The following ARHGAP18 variants were observed in gnomAD, a reference collection of about 807,000 sequenced individuals.
The protein encoded by ARHGAP18 is Rho GTPase activating protein 18, also known as rho GTPase-activating protein 18.
A neutral mutation model predicts 86.2 loss-of-function variants in ARHGAP18; 67 were observed. That is an observed-to-expected ratio of 0.78 (90% CI 0.64 to 0.95). ARHGAP18 has a LOEUF of 0.95. Ranked by LOEUF, ARHGAP18 falls within the 40% of genes least tolerant of loss-of-function variation. The pLI is 0.00. For synonymous variants in ARHGAP18, 283 were observed against 280.4 expected (o/e 1.01, Z -0.09); for missense variants, 691 against 780.4 (o/e 0.89, Z 1.37).
chr6:129,581,106 C>A (rs1215589340), intron 13 of ARHGAP18, among the ~76,000 whole-genome samples: 1 of 152,164 alleles, frequency 6.6e-6, no homozygotes, highest in Non-Finnish European at 1.5e-5. Flanking sequence ...TGAAGCATGG[C>A]AAGGTTAGTG....
At chr6:129,668,516 C>T (rs1774085217) in intron 1 of ARHGAP18, among the ~76,000 whole-genome samples, 1 of 152,136 alleles carries the variant, frequency 6.6e-6, no homozygotes, top group South Asian at 2.1e-4. Context: ...TCCATCTGGT[C>T]CCGATTCTTC....
chr6:129,665,075 A>C (rs1161978264), intron 1 of ARHGAP18, among the ~76,000 whole-genome samples: 1 of 152,186 alleles, frequency 6.6e-6, no homozygotes, highest in Non-Finnish European at 1.5e-5. Flanking sequence ...AAGTGTGATA[A>C]GTTCCTTTCC....
intron 12 of ARHGAP18, among the ~76,000 whole-genome samples, chr6:129,595,839 G>C (rs1272341097): frequency 6.6e-6 from 1 of 152,074 alleles, no homozygotes; most frequent in African/African-American, 2.4e-5. Flanking sequence ...GAAATTGAAA[G>C]CAATACCATC....
intron 1 of ARHGAP18, among the ~76,000 whole-genome samples, chr6:129,678,776 A>G (rs1012965656): frequency 6.6e-6 from 1 of 152,250 alleles, no homozygotes; most frequent in African/African-American, 2.4e-5. Context: ...CATAAGATTT[A>G]CATGTATTCA....
chr6:129,624,699 T>G (rs1288800942), intron 5 of ARHGAP18, among the ~76,000 whole-genome samples: 1 of 151,420 alleles, frequency 6.6e-6, no homozygotes, highest in African/African-American at 2.4e-5. Context: ...AATCCTAGTG[T>G]TTTGGAAGGC....
At chr6:129,659,911 A>T (rs1375999737) in intron 1 of ARHGAP18, among the ~76,000 whole-genome samples, 1 of 152,204 alleles carries the variant, frequency 6.6e-6, no homozygotes, top group Non-Finnish European at 1.5e-5. Context: ...GGAGTCTACC[A>T]GGTAGAACGT....
In ARHGAP18 at chr6:129,608,027, T is replaced by C. The variant is rs775492236; in HGVS notation, c.1148A>G (p.Lys383Arg). Residue 383 changes from lysine to arginine, a missense_variant, in exon 9 of 15, where the codon AAG (lysine) becomes AGG (arginine). Transcript: ENST00000368149. ...IKNLCQELEA[K>R]FYEGTFNWES... ...CCAATTAAAAGTCCCTTCATAAAAC[T>C]TTGCTTCTAGTTCTTGGCAAAGATT... 6.3e-7 allele frequency: 1 copy of C among 1,592,006 alleles called. No homozygotes were observed. The highest frequency in any genetic ancestry group is 2.3e-5 in the East Asian group (1 of 44,100).
At chr6:129,634,688 G>A (rs1444910555) in intron 3 of ARHGAP18, among the ~76,000 whole-genome samples, 1 of 152,016 alleles carries the variant, frequency 6.6e-6, no homozygotes, top group African/African-American at 2.4e-5. Context: ...GTCTGTTAAT[G>A]GATACAGGCT....
At chr6:129,678,705 T>C (rs1249188248) in intron 1 of ARHGAP18, among the ~76,000 whole-genome samples, 2 of 152,222 alleles carry the variant, frequency 1.3e-5, no homozygotes, top group East Asian at 1.9e-4. Context: ...TTAATTTATC[T>C]GGAGTGTGAT....
At chr6:129,607,768 T>G in intron 9 of ARHGAP18, 125 bp downstream of exon 9, 1 of 1,008,488 alleles carries the variant, frequency 9.9e-7, no homozygotes, top group Non-Finnish European at 1.4e-6. Flanking sequence ...CCCACTGACA[T>G]CAGTTGAGTC....
intron 1 of ARHGAP18, among the ~76,000 whole-genome samples, chr6:129,669,870 T>C (rs1450785940): frequency 6.6e-6 from 1 of 152,204 alleles, no homozygotes. Flanking sequence ...AATGGTTTTA[T>C]AGGCAATTTA....
intron 13 of ARHGAP18, among the ~76,000 whole-genome samples, chr6:129,580,428 AAATT>A (rs1366534097): frequency 6.6e-6 from 1 of 152,234 alleles, no homozygotes; most frequent in Non-Finnish European, 1.5e-5. Context: ...GCTGCCAATC[AAATT>A]ATTAATATGA....
intron 2 of ARHGAP18, among the ~76,000 whole-genome samples, chr6:129,640,371 T>A (rs986243935): frequency 3.9e-5 from 6 of 152,196 alleles, no homozygotes; most frequent in African/African-American, 1.4e-4. Context: ...CTTCTATGTA[T>A]CAGGCTTAAA....
intron 1 of ARHGAP18, among the ~76,000 whole-genome samples, chr6:129,707,844 T>C (rs1212337524): frequency 1.3e-5 from 2 of 152,006 alleles, no homozygotes; most frequent in African/African-American, 2.4e-5. Flanking sequence ...TTTTACTTTT[T>C]GGAGAACTTC....
At chr6:129,675,720 A>C (rs544901762) in intron 1 of ARHGAP18, among the ~76,000 whole-genome samples, 1 of 152,298 alleles carries the variant, frequency 6.6e-6, no homozygotes, top group South Asian at 2.1e-4. Context: ...CAGAGGGAAT[A>C]AGAAATAGAG....
At chr6:129,615,794 C>A in intron 7 of ARHGAP18, among the ~76,000 whole-genome samples, 1 of 152,268 alleles carries the variant, frequency 6.6e-6, no homozygotes, top group South Asian at 2.1e-4. Context: ...TTTATGGTTT[C>A]TTTGCCTACT....
intron 1 of ARHGAP18, among the ~76,000 whole-genome samples, chr6:129,675,786 G>A (rs1186642856): frequency 2.6e-5 from 4 of 152,098 alleles, no homozygotes; most frequent in African/African-American, 9.6e-5. Context: ...CCCTCCATAC[G>A]TCCCTATGTC....
chr6:129,703,233 T>C (rs1774748761), intron 1 of ARHGAP18, among the ~76,000 whole-genome samples: 1 of 152,182 alleles, frequency 6.6e-6, no homozygotes. Context: ...TGAGTCCAAT[T>C]ATCAAAAACG....
chr6:129,585,704 G>A (rs1421233016), intron 12 of ARHGAP18, among the ~76,000 whole-genome samples: 1 of 152,194 alleles, frequency 6.6e-6, no homozygotes, highest in Non-Finnish European at 1.5e-5. Flanking sequence ...AATGGACAAA[G>A]CCTTCCAGGG....
Sources: gnomAD v4.1 joint callset for allele counts (sites outside exome capture counted in the v4.1 genomes callset) on GRCh38, gnomAD v4.1.1 for gene constraint, MANE v1.5 for transcripts, NCBI Gene and HGNC (gene_info 2026-07-23, HGNC 2026-07-21) for gene names.